Variants in ACOXL observed in about 807,000 individuals in gnomAD.
ACOXL encodes the protein acyl-CoA oxidase like.
Under a neutral mutation model 71.9 loss-of-function variants are expected in ACOXL, and 70 were observed. The ratio of observed to expected loss-of-function variants is 0.97; its 90% CI spans 0.80 to 1.19. The LOEUF (loss-of-function observed/expected upper bound fraction) is 1.19. Among genes scored for constraint, ACOXL ranks in the 50% most tolerant of loss-of-function variants. ACOXL has a pLI of 0.00. For synonymous variants in ACOXL, 253 were observed against 281.6 expected, an observed-to-expected ratio of 0.90 and a Z score of 1.02; for missense variants, 703 against 736.3, an observed-to-expected ratio of 0.95 and a Z score of 0.52.
At chr2:111,008,801 A>C (rs1022378177) in intron 14 of ACOXL, among the ~76,000 whole-genome samples, 3 of 152,162 alleles carry the variant, frequency 2.0e-5, no homozygotes, top group Non-Finnish European at 4.4e-5. Context: ...AATTTTTGCC[A>C]GTTTGATAGG....
In ACOXL at chr2:110,903,923, C is replaced by T. The variant is rs776039057; in HGVS notation, c.789-4866C>T. Among the ~76,000 whole-genome samples the T allele has an allele frequency of 2.1e-3, 321 of 152,350 alleles. 4 individuals carry two copies. The highest frequency in any genetic ancestry group is 1.3e-3 in the Non-Finnish European group (89 of 68,020). On this transcript the variant is annotated intron_variant, in intron 10 of 17. Transcript: ENST00000439055. ...TGGGGACCCTAAGTCTTGAGGCCCT[C>T]GGTCTCTGCTACCTCTGCTGTTGCC...
At chr2:110,766,300 AGATT>A (rs1681057856) in intron 1 of ACOXL, among the ~76,000 whole-genome samples, 1 of 152,180 alleles carries the variant, frequency 6.6e-6, no homozygotes, top group African/African-American at 2.4e-5. Flanking sequence ...ATGTTGCTCA[AGATT>A]GATTGAATAT....
intron 9 of ACOXL, among the ~76,000 whole-genome samples, chr2:110,820,413 C>G (rs1397790168): frequency 6.6e-6 from 1 of 152,040 alleles, no homozygotes; most frequent in Non-Finnish European, 1.5e-5. Flanking sequence ...TTTTTCCTCA[C>G]AGACAGGAGG....
rs139792550 is a variant in ACOXL, at chr2:111,027,683, C to T, written c.1282-3944C>T. On this transcript the variant is annotated intron_variant, in intron 14 of 17. Transcript: ENST00000439055. ...ATATAATTATCTTAAAATCATATAT[C>T]GTTATGGTTATTGGGACATCTGGAC... Among the ~76,000 whole-genome samples the T allele has an allele frequency of 5.3e-3, 806 of 152,164 alleles. 9 individuals are homozygous for T. Among genetic ancestry groups the T allele is most frequent in the African/African-American group, 0.018 (765 of 41,492 alleles).
At chr2:110,773,150 C>T (rs1682179877) in intron 2 of ACOXL, among the ~76,000 whole-genome samples, 1 of 152,134 alleles carries the variant, frequency 6.6e-6, no homozygotes, top group East Asian at 1.9e-4. Context: ...ACTAGTAGAA[C>T]ATTGGTTGCA....
rs755541055 is a variant in ACOXL, at chr2:110,784,785, C to G, written c.129C>G (p.Leu43=). 2 of 1,608,906 alleles carry G rather than the reference C, an allele frequency of 1.2e-6. No individual in the cohort carries two copies. Among genetic ancestry groups the G allele is most frequent in the Admixed American group, 3.4e-5 (2 of 58,646 alleles). ...VSRSLVIGEV[L]SMADMATGVK... ...GAAGCCTTGTCATAGGAGAAGTCCT[C>G]TCCATGGCGGACATGGCCACAGGAG... Residue 43 remains leucine, a synonymous_variant, in exon 3 of 18, where the codon CTC becomes CTG. Transcript: ENST00000439055.
At chr2:110,950,944 A>C (rs2061312636) in intron 12 of ACOXL, among the ~76,000 whole-genome samples, 1 of 150,482 alleles carries the variant, frequency 6.6e-6, no homozygotes, top group South Asian at 2.2e-4. Context: ...GAGCCTTTGC[A>C]CCTCTTGGTG....
chr2:110,943,025 G>GA (rs1558764882), intron 12 of ACOXL, among the ~76,000 whole-genome samples: 4 of 133,008 alleles, frequency 3.0e-5, no homozygotes, highest in South Asian at 2.6e-4. Context: ...AGAAAGGAAG[G>GA]AAGAAGGAAG....
At position 110,805,258 on chromosome 2, in the gene ACOXL, C is replaced by T; in HGVS notation, c.621-5C>T. ...TTTGTGAAACCCCACCTCTCTTTTC[C>T]ACAGGTTTGGTTCCGTGGCTCCAGA... On this transcript the variant is annotated splice_polypyrimidine_tract_variant and splice_region_variant and intron_variant, in intron 8 of 17. Transcript: ENST00000439055. 1.2e-6 allele frequency: 2 copies of T among 1,613,822 alleles called. No individual in the cohort carries two copies. Among genetic ancestry groups the T allele is most frequent in the Non-Finnish European group, 1.7e-6 (2 of 1,179,854 alleles).
chr2:110,893,406 A>G (rs2058872493), intron 10 of ACOXL, among the ~76,000 whole-genome samples: 1 of 152,200 alleles, frequency 6.6e-6, no homozygotes, highest in Admixed American at 6.5e-5. Context: ...AAATGAGATA[A>G]TATTTTACTT....
At chr2:111,115,010 G>T (rs1397368504) in intron 17 of ACOXL, among the ~76,000 whole-genome samples, 1 of 152,140 alleles carries the variant, frequency 6.6e-6, no homozygotes. Context: ...CTTATTGCTT[G>T]TAGAGCAATA....
chr2:111,059,795 T>G (rs1474408592), intron 16 of ACOXL, among the ~76,000 whole-genome samples: 378 of 133,894 alleles, frequency 2.8e-3, no homozygotes, highest in Admixed American at 3.4e-3. Context: ...GAAGAAGGGG[T>G]AGAAGAAGGA....
chr2:111,002,313 T>C (rs186794937), intron 14 of ACOXL, among the ~76,000 whole-genome samples: 3 of 152,316 alleles, frequency 2.0e-5, no homozygotes, highest in East Asian at 3.9e-4. Flanking sequence ...TAGCAATAGG[T>C]AACTAATATA....
chr2:110,950,810 G>GGAGAGAGAGAGAGAGAGAGAGAGAGAGA lies in ACOXL; in HGVS notation c.1059+17193_1059+17194insAGAGAGAGAGAGAGAGAGAGAGAGAGAG, dbSNP rs71383892. The stretch of plus-strand genomic sequence containing the variant: ...ATCTTAAGGAGGAAGGGTGGGGGGT[G>GGAGAGAGAGAGAGAGAGAGAGAGAGAGA]GAGAGAGAGAGAGAGAGAGAGAGAG... On this transcript the variant is annotated intron_variant, in intron 12 of 17. Transcript: ENST00000439055. Among the ~76,000 whole-genome samples the GGAGAGAGAGAGAGAGAGAGAGAGAGAGA allele has an allele frequency of 6.2e-4, 89 of 142,860 alleles. 4 individuals carry two copies. In the East Asian group the frequency reaches 0.017, roughly 27 times the overall value. 93.7% of individuals were successfully genotyped at this position (142,860 alleles called of 152,430 possible).
At chr2:110,825,877 T>C (rs921307907) in intron 9 of ACOXL, among the ~76,000 whole-genome samples, 2 of 152,162 alleles carry the variant, frequency 1.3e-5, no homozygotes, top group African/African-American at 4.8e-5. Context: ...GTCCTTCTGG[T>C]TGACTAGAGG....
intron 12 of ACOXL, among the ~76,000 whole-genome samples, chr2:110,971,475 G>T (rs560730224): frequency 6.6e-6 from 1 of 152,260 alleles, no homozygotes; most frequent in East Asian, 1.9e-4. Context: ...TTACATTCAT[G>T]CAAATGCTAC....
intron 10 of ACOXL, among the ~76,000 whole-genome samples, chr2:110,902,501 A>G (rs1013094928): frequency 1.3e-5 from 2 of 152,170 alleles, no homozygotes; most frequent in Non-Finnish European, 2.9e-5. Flanking sequence ...GAAGAACAAG[A>G]AACAAAACAA....
chr2:110,994,456 T>TA (rs372947753), intron 13 of ACOXL, among the ~76,000 whole-genome samples: 2 of 151,516 alleles, frequency 1.3e-5, no homozygotes, highest in African/African-American at 2.4e-5. Flanking sequence ...GGTTTTTTTT[T>TA]AGTTAATATG....
At chr2:111,041,786 C>G (rs1188827968) in intron 15 of ACOXL, among the ~76,000 whole-genome samples, 1 of 152,230 alleles carries the variant, frequency 6.6e-6, no homozygotes, top group Non-Finnish European at 1.5e-5. Context: ...GTGCCGTCAT[C>G]TCTTCCTGAG....
Sources: gnomAD v4.1 joint callset for allele counts (sites outside exome capture counted in the v4.1 genomes callset) on GRCh38, gnomAD v4.1.1 for gene constraint, MANE v1.5 for transcripts, NCBI Gene and HGNC (gene_info 2026-07-23, HGNC 2026-07-21) for gene names.